The following RUNX1T1 variants were observed in gnomAD, a reference collection of about 807,000 sequenced individuals.
RUNX1T1 encodes the protein protein CBFA2T1.
RUNX1T1 carries 4 observed loss-of-function variants against 62.8 expected under a neutral mutation model. That is an observed-to-expected ratio of 0.06 (90% CI 0.03 to 0.15). RUNX1T1 has a LOEUF of 0.15. Ranked by LOEUF, RUNX1T1 falls within the 10% of genes least tolerant of loss-of-function variation. RUNX1T1 has a pLI of 1.00. For synonymous variants in RUNX1T1, 291 were observed against 286.0 expected, an observed-to-expected ratio of 1.02 and a Z score of -0.18; for missense variants, 508 against 754.3, an observed-to-expected ratio of 0.67 and a Z score of 3.82.
rs377156073 is a variant in RUNX1T1 at position 92,036,985 on chromosome 8, T to C, written c.8-19622A>G. Among the ~76,000 whole-genome samples, 7 of 152,348 alleles carry C rather than the reference T, an allele frequency of 4.6e-5. No homozygotes were observed. The East Asian group carries it at 1.2e-3, about 25-fold the overall frequency. On this transcript the variant is annotated intron_variant, in intron 1 of 10. Coordinates refer to ENST00000396218, the Ensembl canonical transcript of RUNX1T1. ...CAGATTTGTCCCAAATGTCTACTTCTGGGACTGAAGTTCCAATAGTCATTT... is the reference window on the plus strand; with the variant it reads ...CAGATTTGTCCCAAATGTCTACTTCCGGGACTGAAGTTCCAATAGTCATTT...
intron 5 of RUNX1T1, among the ~76,000 whole-genome samples, chr8:91,998,270 TAAAAAG>T (rs1819094818): frequency 6.6e-6 from 1 of 152,164 alleles, no homozygotes; most frequent in South Asian, 2.1e-4. Flanking sequence ...CCAGCGTCCT[TAAAAAG>T]AAAATCAAAC....
chr8:91,959,412 TTGTGTGTGTG>T (rs56037232), exon 11 of RUNX1T1: 1,425 of 139,258 alleles, frequency 0.01, 17 homozygotes, highest in Non-Finnish European at 0.012. Flanking sequence ...AGTCTCTTAC[TTGTGTGTGTG>T]TGTGTGTGTG....
In RUNX1T1 at chr8:92,014,634, T is replaced by C. The variant is rs778065814; in HGVS notation, c.332A>G (p.Asn111Ser). ...TTCTCCTATCTCGGGTGAAATGTCA[T>C]TGCCAAACTGCTGCAGGGTAGTAAG... Residue 111 changes from asparagine to serine, a missense_variant, in exon 3 of 11, where the codon AAT (asparagine) becomes AGT (serine). By Grantham distance (46) the Asn-to-Ser change is conservative. Coordinates refer to ENST00000396218, the Ensembl canonical transcript of RUNX1T1. The C allele has an allele frequency of 5.6e-6, 9 of 1,613,686 alleles. No individual in the cohort carries two copies. In the South Asian group the frequency reaches 9.9e-5, roughly 18 times the overall value.
intron 1 of RUNX1T1, among the ~76,000 whole-genome samples, chr8:92,034,755 TACAC>T (rs1316601903): frequency 6.9e-6 from 1 of 144,218 alleles, no homozygotes; most frequent in Non-Finnish European, 1.5e-5. Context: ...CACATATATA[TACAC>T]ACATATACAT....
rs1177936409 is a variant in RUNX1T1 at position 91,973,912 on chromosome 8, GA to G, written c.1267+1992del. 7.2e-5 allele frequency among the ~76,000 whole-genome samples: 11 copies of G among 152,108 alleles called. No homozygotes were observed. The East Asian group carries it at 2.1e-3, about 29-fold the overall frequency. On this transcript the variant is annotated intron_variant, in intron 9 of 10. Coordinates refer to ENST00000396218, the Ensembl canonical transcript of RUNX1T1. ...AACTGTTTTTAAGCAGCAGTTTAGG[GA>G]TACCACTGTGAGAAGAATACAAATT...
exon 11 of RUNX1T1, chr8:91,959,192 C>A: frequency 4.6e-6 from 1 of 217,486 alleles, no homozygotes; most frequent in Non-Finnish European, 9.3e-6. Flanking sequence ...AATTAAAAAT[C>A]CAAACAGGGT....
At chr8:92,030,177 G>A (rs1003734282) in intron 1 of RUNX1T1, among the ~76,000 whole-genome samples, 4 of 152,008 alleles carry the variant, frequency 2.6e-5, no homozygotes, top group African/African-American at 4.8e-5. Context: ...CAAGGAAGGC[G>A]TCCTTGACCT....
At chr8:92,060,553 A>ATATATATGTGTGTGTGTGTG in intron 1 of RUNX1T1, among the ~76,000 whole-genome samples, 12 of 63,944 alleles carry the variant, frequency 1.9e-4, no homozygotes, top group African/African-American at 5.2e-4. Flanking sequence ...ATATATATAT[A>ATATATATGTGTGTGTGTGTG]TGTGTGTGTG....
At chr8:92,041,615 G>T (rs1261976188) in intron 1 of RUNX1T1, among the ~76,000 whole-genome samples, 1 of 151,938 alleles carries the variant, frequency 6.6e-6, no homozygotes, top group Non-Finnish European at 1.5e-5. Flanking sequence ...GGTGGCATGC[G>T]CCTGTAACCC....
intron 1 of RUNX1T1, among the ~76,000 whole-genome samples, chr8:92,042,688 G>A (rs2130162994): frequency 6.6e-6 from 1 of 152,294 alleles, no homozygotes; most frequent in East Asian, 1.9e-4. Context: ...GATTTCTAAA[G>A]ATTAAATGAG....
chr8:91,982,664 A>T (rs1284092180), intron 8 of RUNX1T1, among the ~76,000 whole-genome samples: 1 of 152,230 alleles, frequency 6.6e-6, no homozygotes, highest in Non-Finnish European at 1.5e-5. Context: ...CAGCAGTGTT[A>T]AAATTTGCTT....
chr8:92,035,295 C>T (rs1056747314), intron 1 of RUNX1T1, among the ~76,000 whole-genome samples: 113 of 27,578 alleles, frequency 4.1e-3, no homozygotes, highest in Non-Finnish European at 5.8e-3. Flanking sequence ...AATTCCATTT[C>T]AAAAAAAAAA....
chr8:92,057,114 A>G (rs1232819251), intron 1 of RUNX1T1, among the ~76,000 whole-genome samples: 1 of 152,220 alleles, frequency 6.6e-6, no homozygotes, highest in Non-Finnish European at 1.5e-5. Context: ...AGAAATAACC[A>G]GCATGCTAAC....
chr8:92,000,225 G>A (rs1363394592), intron 5 of RUNX1T1, among the ~76,000 whole-genome samples: 1 of 152,056 alleles, frequency 6.6e-6, no homozygotes, highest in Non-Finnish European at 1.5e-5. Context: ...AGAATTGCTT[G>A]AACCCAGGAG....
At chr8:92,000,499 T>C (rs1484024700) in intron 5 of RUNX1T1, among the ~76,000 whole-genome samples, 3 of 152,306 alleles carry the variant, frequency 2.0e-5, no homozygotes, top group Non-Finnish European at 4.4e-5. Flanking sequence ...ATGCAGGTTA[T>C]ACAAATTTAA....
upstream of RUNX1T1, chr8:92,063,620 T>C (rs1832415750): frequency 6.6e-6 from 1 of 152,222 alleles, no homozygotes; most frequent in Admixed American, 6.5e-5. Context: ...GCTATTTTCT[T>C]CTCAGCAGTC....
downstream of RUNX1T1, chr8:91,956,628 A>AGTTCAGAC (rs1260824732): frequency 1.7e-4 from 38 of 224,540 alleles, no homozygotes; most frequent in East Asian, 2.4e-3. Flanking sequence ...AAGAAACCAC[A>AGTTCAGAC]GTTCAGACAT....
At chr8:92,009,565 CT>C (rs934306108) in intron 4 of RUNX1T1, 2 of 150,090 alleles carry the variant, frequency 1.3e-5, no homozygotes, top group African/African-American at 4.9e-5. Flanking sequence ...CAACTTGACC[CT>C]GAAAGGAGCC....
chr8:92,054,380 G>C (rs1830691608), intron 1 of RUNX1T1, among the ~76,000 whole-genome samples: 1 of 152,152 alleles, frequency 6.6e-6, no homozygotes, highest in Admixed American at 6.5e-5. Flanking sequence ...ACTTGGCACT[G>C]TTTTGTGGGG....
Sources: allele counts gnomAD v4.1 joint callset (sites outside exome capture counted in the v4.1 genomes callset), GRCh38; gene constraint gnomAD v4.1.1; transcripts MANE v1.5; gene names NCBI Gene and HGNC (gene_info 2026-07-23, HGNC 2026-07-21).